SYTL2: variants seen among roughly 807,000 people sequenced by gnomAD.
SYTL2 encodes synaptotagmin like 2, also known as synaptotagmin-like protein 2.
SYTL2 carries 165 observed loss-of-function variants against 198.7 expected under a neutral mutation model. That is an observed-to-expected ratio of 0.83 (90% CI 0.73 to 0.94). The LOEUF (loss-of-function observed/expected upper bound fraction) is 0.94. SYTL2 is among the 40% of genes least tolerant of loss of function. SYTL2 has a pLI of 0.00. For missense variants in SYTL2, 2,835 were observed against 2,582.8 expected, an observed-to-expected ratio of 1.10 and a Z score of -2.12; for synonymous variants, 966 against 917.7, an observed-to-expected ratio of 1.05 and a Z score of -0.95.
chr11:85,843,971 T>C, the SYTL2 span, among the ~76,000 whole-genome samples: 1 of 152,174 alleles, frequency 6.6e-6, no homozygotes, highest in Admixed American at 6.5e-5. Context: ...TTACAGAAAG[T>C]ATATCTCTCA....
At chr11:85,831,943 A>G in the SYTL2 span, among the ~76,000 whole-genome samples, 1 of 142,278 alleles carries the variant, frequency 7.0e-6, no homozygotes, top group Non-Finnish European at 1.6e-5. Context: ...CTTATTTTTA[A>G]AAAGTAAATT....
At position 85,726,181 on chromosome 11, in the gene SYTL2, T is replaced by C; in HGVS notation, c.3177A>G (p.Ile1059Met). 1 of 1,613,838 alleles carries C rather than the reference T, an allele frequency of 6.2e-7. No individual in the cohort carries two copies. ...TGATTTCATCTGGTAGCACCTGGAG[T>C]ATGCCCTTTGAATTTAATTTCTCCA... ...EEMEKLNSKG[I>M]LQVLPDEITF... is the part of the protein sequence containing the mutation. The change falls in exon 8 of 20, where the codon ATA becomes ATG. Residue 1059 changes from isoleucine (I) to methionine (M), a missense_variant. By Grantham distance (10) the Ile-to-Met change is conservative. This residue lies in a region of SYTL2 where 2,645 missense variants were observed against 2,381.7 expected (regional missense o/e 1.11). Coordinates refer to ENST00000359152, the MANE Select transcript of SYTL2 (RefSeq NM_206927.4).
chr11:85,694,991 G>A lies in SYTL2; in HGVS notation c.*204C>T, dbSNP rs1171505521. ...TTCAAATATCTTATTTAATATTAGA[G>A]TCACAAATTACACATTTTGTTATAT... On this transcript the variant is annotated 3_prime_UTR_variant, in exon 20 of 20. Coordinates refer to ENST00000359152, the MANE Select transcript of SYTL2 (RefSeq NM_206927.4). 1.2e-5 allele frequency: 5 copies of A among 411,988 alleles called. No homozygotes were observed. Among genetic ancestry groups the A allele is most frequent in the African/African-American group, 2.0e-5 (1 of 48,860 alleles). 25.5% of individuals were successfully genotyped at this position (411,988 alleles called of 1,614,324 possible). A position where few individuals can be genotyped will look rare whatever the true frequency, so the allele number is the denominator to read the frequency against.
chr11:85,826,997 G>A, the SYTL2 span, among the ~76,000 whole-genome samples: 3 of 152,208 alleles, frequency 2.0e-5, no homozygotes, highest in African/African-American at 7.2e-5. Flanking sequence ...TCCTCCTTAG[G>A]AGATAATAAG....
At chr11:85,825,530 A>C in the SYTL2 span, among the ~76,000 whole-genome samples, 2 of 152,224 alleles carry the variant, frequency 1.3e-5, no homozygotes, top group African/African-American at 4.8e-5. Flanking sequence ...AAGACCCCAC[A>C]GGGGATGGGT....
At chr11:85,780,068 C>T (rs983831383) in intron 1 of SYTL2, among the ~76,000 whole-genome samples, 1 of 152,222 alleles carries the variant, frequency 6.6e-6, no homozygotes, top group African/African-American at 2.4e-5. Context: ...GTGACTCACA[C>T]TGGTGAAAGA....
chr11:85,852,238 G>A, the SYTL2 span, among the ~76,000 whole-genome samples: 1 of 152,200 alleles, frequency 6.6e-6, no homozygotes, highest in Non-Finnish European at 1.5e-5. Context: ...GAAGGGAGCA[G>A]GGAAGCCTAA....
chr11:85,710,513 T>A (rs1163987436), intron 13 of SYTL2, among the ~76,000 whole-genome samples: 1 of 152,246 alleles, frequency 6.6e-6, no homozygotes, highest in African/African-American at 2.4e-5. Context: ...TATGTGGATA[T>A]ATTTACATAT....
At position 85,708,837 on chromosome 11, in the gene SYTL2, A is replaced by T. The variant is rs868663061; in HGVS notation, c.5915+494T>A. On this transcript the variant is annotated intron_variant, in intron 14 of 19. Transcript: ENST00000359152. ...TTGAAACATTTTGTGCTTCTCTGTG[A>T]TTTTTTTTTTTTTTTTTTTTTTTTT... 2.3e-3 allele frequency among the ~76,000 whole-genome samples: 161 copies of T among 71,552 alleles called. 1 individual carries two copies. Among genetic ancestry groups the T allele is most frequent in the African/African-American group, 5.1e-3 (87 of 16,906 alleles). The allele number at this position is 71,552 out of a possible 152,430, so 46.9% of individuals were successfully genotyped here.
At chr11:85,702,366 A>G (rs1449969417) in intron 16 of SYTL2, among the ~76,000 whole-genome samples, 1 of 151,936 alleles carries the variant, frequency 6.6e-6, no homozygotes, top group Non-Finnish European at 1.5e-5. Flanking sequence ...ATTTCTTTGC[A>G]AAGGCAGGGT....
the SYTL2 span, among the ~76,000 whole-genome samples, chr11:85,816,606 T>C: frequency 2.6e-5 from 4 of 152,136 alleles, no homozygotes; most frequent in Non-Finnish European, 4.4e-5. Context: ...CATAGAACTG[T>C]ACATTTATAA....
At chr11:85,768,993 C>G (rs935437357) in intron 1 of SYTL2, among the ~76,000 whole-genome samples, 2 of 151,508 alleles carry the variant, frequency 1.3e-5, no homozygotes, top group East Asian at 1.9e-4. Context: ...ATATAGCAGG[C>G]GCCTCATTTA....
chr11:85,769,712 A>G (rs2092318318), intron 1 of SYTL2, among the ~76,000 whole-genome samples: 1 of 152,182 alleles, frequency 6.6e-6, no homozygotes, highest in African/African-American at 2.4e-5. Flanking sequence ...AAGAGGCTGA[A>G]GAAGAGACCC....
At chr11:85,705,149 T>C (rs1435268502) in intron 15 of SYTL2, 121 bp from the exon 16 acceptor site, 2 of 654,526 alleles carry the variant, frequency 3.1e-6, no homozygotes, top group Non-Finnish European at 5.0e-6. Flanking sequence ...AGGTTTCGAG[T>C]CCCAAAAATA....
At chr11:85,804,041 T>C (rs958132126) in intron 1 of SYTL2, among the ~76,000 whole-genome samples, 2 of 152,256 alleles carry the variant, frequency 1.3e-5, no homozygotes, top group Non-Finnish European at 2.9e-5. Context: ...GATTTACCTG[T>C]ATTCAACTTC....
the SYTL2 span, among the ~76,000 whole-genome samples, chr11:85,833,094 AGAAAGAAG>A: frequency 6.5e-3 from 223 of 34,396 alleles, 19 homozygotes; most frequent in South Asian, 0.019. Context: ...AAAGAAAGAA[AGAAAGAAG>A]GAAGGAAGGA....
rs2090579816 is a variant in SYTL2, at chr11:85,739,035, G to A, written c.390-1379C>T. On this transcript the variant is annotated intron_variant, in intron 4 of 19. Coordinates refer to ENST00000359152, the MANE Select transcript of SYTL2 (RefSeq NM_206927.4). ...TCTCTCCCTTACTGAGCTGTACCTAGCTATGTATTTCATGTCTACTATGCA... is the reference window on the plus strand; with the variant it reads ...TCTCTCCCTTACTGAGCTGTACCTAACTATGTATTTCATGTCTACTATGCA... 2.0e-5 allele frequency among the ~76,000 whole-genome samples: 3 copies of A among 152,100 alleles called. No homozygotes were observed. In the South Asian group the frequency reaches 6.2e-4, roughly 32 times the overall value.
the SYTL2 span, among the ~76,000 whole-genome samples, chr11:85,838,526 G>A: frequency 6.6e-6 from 1 of 152,142 alleles, no homozygotes; most frequent in African/African-American, 2.4e-5. Flanking sequence ...CTCTAGGGAA[G>A]CCTCAGGAAG....
At chr11:85,808,544 A>G (rs1408601846) in intron 1 of SYTL2, among the ~76,000 whole-genome samples, 1 of 152,194 alleles carries the variant, frequency 6.6e-6, no homozygotes, top group Non-Finnish European at 1.5e-5. Flanking sequence ...TGAACCAGAG[A>G]GTGGAAAATT....
Sources: gnomAD v4.1 joint callset for allele counts (sites outside exome capture counted in the v4.1 genomes callset) on GRCh38, gnomAD v4.1.1 for gene constraint, gnomAD v4.1.1 regional missense constraint, MANE v1.5 for transcripts, NCBI Gene and HGNC (gene_info 2026-07-23, HGNC 2026-07-21) for gene names.